ISY1: variants seen among roughly 807,000 people sequenced by gnomAD.
ISY1 encodes the protein ISY1 spliceosome associated protein.
In ISY1, 12 loss-of-function variants were observed where a neutral mutation model predicts 54.4. The ratio of observed to expected loss-of-function variants is 0.22; its 90% CI spans 0.14 to 0.36. ISY1 has a LOEUF of 0.36. ISY1 is among the 10% of genes least tolerant of loss of function. ISY1 has a pLI of 1.00. For missense variants in ISY1, 282 were observed against 342.2 expected, an observed-to-expected ratio of 0.82 and a Z score of 1.39; for synonymous variants, 96 against 117.9, an observed-to-expected ratio of 0.81 and a Z score of 1.20.
At chr3:129,138,091 A>G (rs1320067143) in intron 7 of ISY1, among the ~76,000 whole-genome samples, 5 of 146,772 alleles carry the variant, frequency 3.4e-5, no homozygotes, top group African/African-American at 1.3e-4. Flanking sequence ...CCTGGTTAAC[A>G]TGGTGAAACC....
At chr3:129,149,871 G>T (rs1050005676) in intron 5 of ISY1, among the ~76,000 whole-genome samples, 1 of 149,330 alleles carries the variant, frequency 6.7e-6, no homozygotes, top group African/African-American at 2.5e-5. Flanking sequence ...CTACATGAGA[G>T]TTTGAGGCAA....
At chr3:129,139,689 C>A (rs1404337065) in intron 7 of ISY1, among the ~76,000 whole-genome samples, 3 of 151,914 alleles carry the variant, frequency 2.0e-5, no homozygotes, top group Non-Finnish European at 4.4e-5. Flanking sequence ...GCTGTCCAGG[C>A]TGGAGTGCAA....
intron 3 of ISY1, among the ~76,000 whole-genome samples, chr3:129,157,783 G>A (rs535203254): frequency 1.6e-4 from 24 of 149,232 alleles, no homozygotes; most frequent in Admixed American, 6.7e-4. Flanking sequence ...TGAAAAACAA[G>A]CAGCCAGATC....
chr3:129,135,117 G>T (rs1936352926), intron 7 of ISY1, among the ~76,000 whole-genome samples, 163 bp from the exon 8 acceptor site: 1 of 152,156 alleles, frequency 6.6e-6, no homozygotes, highest in Non-Finnish European at 1.5e-5. Flanking sequence ...GGGAGGCCCA[G>T]ACAGGTGGCT....
In ISY1 at chr3:129,127,712, C is replaced by A. The variant is rs1397890249; in HGVS notation, c.*2369G>T. The A allele has an allele frequency of 6.6e-6, 1 of 152,390 alleles. No individual in the cohort carries two copies. The highest frequency in any genetic ancestry group is 1.5e-5 in the Non-Finnish European group (1 of 68,148). The allele number at this position is 152,390 out of a possible 1,614,324, so 9.4% of individuals were successfully genotyped here. A position where few individuals can be genotyped will look rare whatever the true frequency, so the allele number is the denominator to read the frequency against. The stretch of plus-strand genomic sequence containing the variant: ...GTTTGCTCAAATGTGGAATTCTAAT[C>A]CCTGGCCAGTTTGCATCCCGGGGAT... On this transcript the variant is annotated 3_prime_UTR_variant, in exon 11 of 11. Transcript: ENST00000393295.
intron 5 of ISY1, among the ~76,000 whole-genome samples, chr3:129,154,102 C>T (rs906363915): frequency 5.3e-5 from 8 of 151,866 alleles, no homozygotes; most frequent in African/African-American, 1.7e-4. Context: ...ATCAGCCAGG[C>T]GAGGGGGTGG....
chr3:129,142,631 T>C (rs1390156119), intron 6 of ISY1, among the ~76,000 whole-genome samples: 1 of 152,238 alleles, frequency 6.6e-6, no homozygotes, highest in Non-Finnish European at 1.5e-5. Context: ...ACAATTTGGC[T>C]GAGCACAGCG....
chr3:129,150,573 C>T (rs1248888034), intron 5 of ISY1, among the ~76,000 whole-genome samples: 1 of 151,940 alleles, frequency 6.6e-6, no homozygotes, highest in Non-Finnish European at 1.5e-5. Flanking sequence ...ATTAGCCAGA[C>T]GTGGTGGTGG....
Position 129,156,926 on chromosome 3 carries a change from G to C in ISY1, c.79-6C>G. On this transcript the variant is annotated splice_polypyrimidine_tract_variant and splice_region_variant and intron_variant, in intron 3 of 10. Transcript: ENST00000393295. ...GCCAGAAAGGGTCTTCGTTCCTAAG[G>C]AGAAAAAAATAACACATTTCCATTA... 6.2e-7 allele frequency: 1 copy of C among 1,613,230 alleles called. No homozygotes were observed.
At chr3:129,142,454 C>G (rs1022023131) in intron 6 of ISY1, among the ~76,000 whole-genome samples, 1 of 152,060 alleles carries the variant, frequency 6.6e-6, no homozygotes, top group African/African-American at 2.4e-5. Context: ...TGTATTGTAA[C>G]CTACCTTTCA....
In ISY1 at chr3:129,150,702, AAAAT is replaced by A. The variant is rs760705187; in HGVS notation, c.188-4833_188-4830del. Among the ~76,000 whole-genome samples, 28 of 152,232 alleles carry A rather than the reference AAAAT, an allele frequency of 1.8e-4. 3 individuals carry two copies. The highest frequency in any genetic ancestry group is 5.9e-4 in the Admixed American group (9 of 15,272). ...CGCCAGAGCAAGACTCCATCTCAAA[AAAAT>A]AAATAAATAAAATTAAAATTAAAAA... On this transcript the variant is annotated intron_variant, in intron 5 of 10. Transcript: ENST00000393295.
intron 5 of ISY1, among the ~76,000 whole-genome samples, chr3:129,149,887 T>C (rs1283687008): frequency 6.8e-6 from 1 of 147,570 alleles, no homozygotes; most frequent in East Asian, 2.0e-4. Context: ...GGCAAAAGGA[T>C]CACTTGAGCC....
intron 5 of ISY1, among the ~76,000 whole-genome samples, chr3:129,149,805 A>AAAAAAG (rs1553783043): frequency 1.7e-5 from 1 of 60,008 alleles, no homozygotes; most frequent in Non-Finnish European, 3.2e-5. Flanking sequence ...AAAAAAAAAA[A>AAAAAAG]AAAGAAAGAA....
intron 5 of ISY1, among the ~76,000 whole-genome samples, chr3:129,150,120 GA>G: frequency 6.6e-6 from 1 of 152,142 alleles, no homozygotes; most frequent in East Asian, 1.9e-4. Flanking sequence ...ATTACATCTT[GA>G]AATCAGGTGG....
chr3:129,145,587 C>T (rs753782290), intron 6 of ISY1, among the ~76,000 whole-genome samples, 174 bp downstream of exon 6: 1 of 152,180 alleles, frequency 6.6e-6, no homozygotes, highest in Non-Finnish European at 1.5e-5. Context: ...CTGGCTGGTA[C>T]ATACAGATGC....
rs1185602945 is a variant in ISY1 at position 129,140,276 on chromosome 3, T to C, written c.418+92A>G. 1.2e-5 allele frequency: 14 copies of C among 1,160,996 alleles called. No individual in the cohort carries two copies. In the Middle Eastern group the frequency reaches 6.1e-4, roughly 50 times the overall value. The allele number at this position is 1,160,996 out of a possible 1,614,324, so 71.9% of individuals were successfully genotyped here. ...CTACACTATAAGGCTGTTATGCAAC[T>C]AAGAAAAAAAAGTAAGAGCAGTTAG... is the stretch of plus-strand genomic sequence containing the variant. On this transcript the variant is annotated intron_variant, in intron 7 of 10. Transcript: ENST00000393295.
rs1380543650 is a variant in ISY1 at position 129,128,341 on chromosome 3, G to A, written c.*1740C>T. 1 of 151,916 alleles carries A rather than the reference G, an allele frequency of 6.6e-6. No homozygotes were observed. Among genetic ancestry groups the A allele is most frequent in the Admixed American group, 6.6e-5 (1 of 15,260 alleles). The allele number at this position is 151,916 out of a possible 1,614,324, so 9.4% of individuals were successfully genotyped here. A position where few individuals can be genotyped will look rare whatever the true frequency, so the allele number is the denominator to read the frequency against. On this transcript the variant is annotated 3_prime_UTR_variant, in exon 11 of 11. Coordinates refer to ENST00000393295, the MANE Select transcript of ISY1 (RefSeq NM_020701.4). Reference sequence around the variant, plus strand: ...GGGATTGGCCAGCCCAGCCCTCAGGGAAGCCAGGAGGCAGGGGGGCCCCTT... The same window carrying A: ...GGGATTGGCCAGCCCAGCCCTCAGGAAAGCCAGGAGGCAGGGGGGCCCCTT...
chr3:129,156,398 C>CA (rs11437245), intron 5 of ISY1, among the ~76,000 whole-genome samples: 88,973 of 115,346 alleles, frequency 0.77, 35,033 homozygotes, highest in Non-Finnish European at 0.88. Context: ...GACTCTGTCT[C>CA]AAAAAAAAAA....
At chr3:129,160,455 C>G (rs1937271209) in intron 1 of ISY1, among the ~76,000 whole-genome samples, 1 of 151,870 alleles carries the variant, frequency 6.6e-6, no homozygotes, top group Non-Finnish European at 1.5e-5. Context: ...CACTTTCTGT[C>G]TATGCCATTC....
Sources: gnomAD v4.1 joint callset for allele counts (sites outside exome capture counted in the v4.1 genomes callset) on GRCh38, gnomAD v4.1.1 for gene constraint, MANE v1.5 for transcripts, NCBI Gene and HGNC (gene_info 2026-07-23, HGNC 2026-07-21) for gene names.